TANC2: variants seen among roughly 807,000 people sequenced by gnomAD.
TANC2 encodes the protein protein TANC2.
TANC2 carries 26 observed loss-of-function variants against 210.5 expected under a neutral mutation model. The observed-to-expected ratio is 0.12, with a 90% CI of 0.09 to 0.17. The LOEUF (loss-of-function observed/expected upper bound fraction) is 0.17, where lower values mean the gene tolerates loss of function less well. Among genes scored for constraint, TANC2 ranks in the 10% least tolerant of loss-of-function variants. The pLI is 1.00. For missense variants in TANC2, 2,129 were observed against 2,608.9 expected, an observed-to-expected ratio of 0.82 and a Z score of 4.01; for synonymous variants, 931 against 967.1, an observed-to-expected ratio of 0.96 and a Z score of 0.69.
At chr17:63,405,134 C>T in exon 20 of TANC2, 1 of 1,612,674 alleles carries the variant, frequency 6.2e-7, no homozygotes, top group Non-Finnish European at 8.5e-7. Flanking sequence ...CTAACAGCTG[C>T]AGCCGGAAGG....
At position 63,082,272 on chromosome 17, in the gene TANC2, C is replaced by T. The variant is rs904784830; in HGVS notation, c.139+8258C>T. On this transcript the variant is annotated intron_variant, in intron 3 of 27. Coordinates refer to ENST00000689528, the Ensembl canonical transcript of TANC2. ...GTAAGAGATAAAAGTTATAAAAAAA[C>T]TTTGTAAGTCTTTTTGAAGGGTCAT... Among the ~76,000 whole-genome samples, 6 of 152,006 alleles carry T rather than the reference C, an allele frequency of 3.9e-5. No individual in the cohort carries two copies. In the South Asian group the frequency reaches 1.0e-3, roughly 26 times the overall value.
intron 2 of TANC2, among the ~76,000 whole-genome samples, chr17:63,039,232 T>G (rs564355073): frequency 6.6e-6 from 1 of 152,346 alleles, no homozygotes; most frequent in East Asian, 1.9e-4. Context: ...TTTAGAATTT[T>G]AGAAATGTTA....
chr17:63,036,594 C>T (rs1037819911), intron 2 of TANC2, among the ~76,000 whole-genome samples: 2 of 152,028 alleles, frequency 1.3e-5, no homozygotes, highest in African/African-American at 4.8e-5. Context: ...ATTTTAGATC[C>T]TTTGCTTTTC....
intron 8 of TANC2, among the ~76,000 whole-genome samples, chr17:63,248,432 T>G (rs1567851863): frequency 6.6e-6 from 1 of 152,190 alleles, no homozygotes; most frequent in Non-Finnish European, 1.5e-5. Context: ...GATCCAACTT[T>G]TAAACTTCTC....
chr17:62,995,075 A>G (rs1487590579), intron 1 of TANC2, among the ~76,000 whole-genome samples: 1 of 152,230 alleles, frequency 6.6e-6, no homozygotes, highest in Non-Finnish European at 1.5e-5. Context: ...TTTCATTATT[A>G]CGTCACTTTT....
intron 12 of TANC2, among the ~76,000 whole-genome samples, chr17:63,347,474 CTATA>C (rs778974581): frequency 1.2e-4 from 18 of 152,202 alleles, no homozygotes; most frequent in Non-Finnish European, 2.1e-4. Flanking sequence ...TTGTAATTCA[CTATA>C]TATAAATTTT....
At chr17:63,131,098 A>G (rs865784736) in intron 4 of TANC2, among the ~76,000 whole-genome samples, 1 of 152,228 alleles carries the variant, frequency 6.6e-6, no homozygotes, top group Non-Finnish European at 1.5e-5. Context: ...CTTTTCAAGA[A>G]TTGTGTCTAA....
chr17:63,164,123 C>T (rs575858204), intron 5 of TANC2, among the ~76,000 whole-genome samples: 1 of 147,740 alleles, frequency 6.8e-6, no homozygotes, highest in African/African-American at 2.5e-5. Flanking sequence ...GCTGCAGCAT[C>T]AGCAGCTTTT....
At chr17:63,193,857 A>G (rs1218659959) in intron 5 of TANC2, 134 bp from the exon 6 acceptor site, 4 of 1,020,430 alleles carry the variant, frequency 3.9e-6, no homozygotes, top group African/African-American at 1.7e-5. Context: ...GTCCAAGAAA[A>G]ACCTCATAAC....
At chr17:63,239,877 A>G (rs1442324632) in intron 8 of TANC2, among the ~76,000 whole-genome samples, 1 of 152,152 alleles carries the variant, frequency 6.6e-6, no homozygotes, top group Non-Finnish European at 1.5e-5. Context: ...CAAAAGGCAC[A>G]GGGGGAACAA....
chr17:63,128,775 T>G (rs2038807015), intron 4 of TANC2, among the ~76,000 whole-genome samples: 1 of 152,168 alleles, frequency 6.6e-6, no homozygotes, highest in African/African-American at 2.4e-5. Flanking sequence ...AAACCACAAA[T>G]TATTCTCAGG....
intron 2 of TANC2, among the ~76,000 whole-genome samples, chr17:63,046,598 C>G (rs1044549075): frequency 1.3e-5 from 2 of 151,344 alleles, no homozygotes; most frequent in Non-Finnish European, 2.9e-5. Flanking sequence ...TCCCAAAGTG[C>G]TGGGAGCCAC....
chr17:63,292,607 A>G (rs757984685), intron 9 of TANC2, among the ~76,000 whole-genome samples: 4 of 152,186 alleles, frequency 2.6e-5, no homozygotes, highest in Admixed American at 2.0e-4. Context: ...GGAGATGAAG[A>G]AGCAGCATCA....
At chr17:63,262,132 C>T (rs2043377454) in intron 8 of TANC2, among the ~76,000 whole-genome samples, 1 of 152,064 alleles carries the variant, frequency 6.6e-6, no homozygotes, top group Non-Finnish European at 1.5e-5. Context: ...AAGCAAGGAA[C>T]AAAATATGCA....
chr17:63,273,888 G>A (rs142748366), intron 9 of TANC2, among the ~76,000 whole-genome samples: 12 of 152,294 alleles, frequency 7.9e-5, no homozygotes, highest in East Asian at 5.8e-4. Flanking sequence ...CTGGCAAGCC[G>A]TGTCTTAAAC....
At chr17:63,145,535 A>G (rs1164122582) in intron 4 of TANC2, among the ~76,000 whole-genome samples, 2 of 152,122 alleles carry the variant, frequency 1.3e-5, no homozygotes, top group Non-Finnish European at 2.9e-5. Flanking sequence ...AAAGAGTTTT[A>G]CAATTTTAGC....
intron 1 of TANC2, among the ~76,000 whole-genome samples, chr17:62,976,212 T>A (rs1445402928): frequency 1.3e-5 from 2 of 152,202 alleles, no homozygotes; most frequent in African/African-American, 4.8e-5. Flanking sequence ...TTTAATCCTT[T>A]CTATAAAATC....
At chr17:63,340,358 A>C in intron 12 of TANC2, 26 bp downstream of exon 12, 1 of 1,598,834 alleles carries the variant, frequency 6.3e-7, no homozygotes, top group Non-Finnish European at 8.6e-7. Flanking sequence ...AAAGGAGGGG[A>C]AAGATGGAGG....
At chr17:63,360,298 AC>A (rs1156517624) in intron 14 of TANC2, among the ~76,000 whole-genome samples, 7 of 152,202 alleles carry the variant, frequency 4.6e-5, no homozygotes, top group African/African-American at 1.7e-4. Flanking sequence ...CCCAGAGCAG[AC>A]CCTTAAACTG....
Sources: gnomAD v4.1 joint callset for allele counts (sites outside exome capture counted in the v4.1 genomes callset) on GRCh38, gnomAD v4.1.1 for gene constraint, MANE v1.5 for transcripts, NCBI Gene and HGNC (gene_info 2026-07-23, HGNC 2026-07-21) for gene names.